Variants in MYT1L observed in about 807,000 individuals in gnomAD.
MYT1L encodes myelin transcription factor 1-like protein.
In MYT1L, 12 loss-of-function variants were observed where a neutral mutation model predicts 126.7. The ratio of observed to expected loss-of-function variants is 0.09; its 90% CI spans 0.06 to 0.15. The LOEUF (loss-of-function observed/expected upper bound fraction) is 0.15. MYT1L is among the 10% of genes least tolerant of loss of function. The pLI, the probability that MYT1L is intolerant of heterozygous loss-of-function variation, is 1.00. For missense variants in MYT1L, 979 were observed against 1,585.2 expected, an observed-to-expected ratio of 0.62 and a Z score of 6.49; for synonymous variants, 541 against 604.2, an observed-to-expected ratio of 0.90 and a Z score of 1.53.
At chr2:2,327,505 CTT>C (rs1162380215) in intron 1 of MYT1L, among the ~76,000 whole-genome samples, 2 of 137,472 alleles carry the variant, frequency 1.5e-5, no homozygotes, top group Non-Finnish European at 3.2e-5. Flanking sequence ...CTCTTAAAAA[CTT>C]GAAATAGGAA....
At chr2:2,162,429 G>C (rs765971939) in intron 3 of MYT1L, among the ~76,000 whole-genome samples, 12 of 152,142 alleles carry the variant, frequency 7.9e-5, no homozygotes. Flanking sequence ...GGTGGTGCTC[G>C]TGGTCCACAG....
intron 2 of MYT1L, among the ~76,000 whole-genome samples, chr2:2,180,208 C>G (rs555029544): frequency 7.9e-5 from 12 of 152,244 alleles, no homozygotes; most frequent in Admixed American, 2.6e-4. Flanking sequence ...GAGTTCACTT[C>G]ACCCTCCTTC....
intron 18 of MYT1L, among the ~76,000 whole-genome samples, chr2:1,855,023 G>A (rs1268469954): frequency 6.6e-6 from 1 of 152,146 alleles, no homozygotes; most frequent in African/African-American, 2.4e-5. Context: ...ACCACATAAG[G>A]CAGCCCAGAA....
intron 21 of MYT1L, chr2:1,827,855 T>TC (rs1337363091): frequency 6.7e-6 from 1 of 148,966 alleles, no homozygotes; most frequent in Non-Finnish European, 1.5e-5. Context: ...CTGGGGAGGG[T>TC]CCCCTCACTG....
chr2:1,922,766 A>C lies in MYT1L; in HGVS notation c.1003T>G (p.Phe335Val). The change falls in exon 10 of 25, where the codon TTC becomes GTC. Residue 335 changes from phenylalanine (F) to valine (V), a missense_variant. Physicochemically the swap from Phe to Val is conservative, Grantham distance 50 (BLOSUM62 -1). Around this residue, in one of 12 missense-constraint regions of MYT1L, gnomAD observed 243 missense variants for 363.9 expected, o/e 0.67. Transcript: ENST00000647738. This position sits in a 1 kb window ranked among gnomAD's most constrained non-coding sequence, Gnocchi z 7.4. ...TCACTGAGCTTCCTGGCCAGGTCGA[A>C]GCACTGATTCCTCAAACACTCCAGA... ...SSLECLRNQC[F>V]DLARKLSETN... The C allele has an allele frequency of 6.2e-7, 1 of 1,613,968 alleles. No individual in the cohort carries two copies. Among genetic ancestry groups the C allele is most frequent in the Non-Finnish European group, 8.5e-7 (1 of 1,179,898 alleles).
chr2:1,980,606 C>T (rs1179649852), intron 5 of MYT1L, among the ~76,000 whole-genome samples: 1 of 152,042 alleles, frequency 6.6e-6, no homozygotes, highest in Admixed American at 6.6e-5. Flanking sequence ...GTGGGATCTT[C>T]ACAACAATTT....
intron 3 of MYT1L, among the ~76,000 whole-genome samples, chr2:2,057,967 A>G (rs1039657917): frequency 6.6e-6 from 1 of 152,170 alleles, no homozygotes; most frequent in Non-Finnish European, 1.5e-5. Flanking sequence ...TGAGAGTGGG[A>G]TAGCTGGGTC....
chr2:1,996,500 G>A (rs1406784570), intron 5 of MYT1L, among the ~76,000 whole-genome samples: 2 of 140,550 alleles, frequency 1.4e-5, no homozygotes, highest in Non-Finnish European at 3.0e-5. Flanking sequence ...GAGTGTAGAC[G>A]GGCCGCCTTT....
At chr2:2,244,710 C>T (rs2094500272) in intron 2 of MYT1L, among the ~76,000 whole-genome samples, 1 of 152,176 alleles carries the variant, frequency 6.6e-6, no homozygotes, top group African/African-American at 2.4e-5. Flanking sequence ...GTGGCAGAAA[C>T]ACAGACTGAC....
At chr2:2,169,628 T>C (rs187882162) in intron 3 of MYT1L, among the ~76,000 whole-genome samples, 1 of 152,270 alleles carries the variant, frequency 6.6e-6, no homozygotes, top group Non-Finnish European at 1.5e-5. Flanking sequence ...ATGTTTGCTA[T>C]GGTTTTTTTT....
chr2:2,005,071 C>A (rs560992150), intron 4 of MYT1L, among the ~76,000 whole-genome samples: 1 of 145,882 alleles, frequency 6.9e-6, no homozygotes, highest in Non-Finnish European at 1.5e-5. Context: ...TTCCTGCATG[C>A]GTTCTTTCCT....
chr2:2,210,754 T>G (rs1024662969), intron 2 of MYT1L, among the ~76,000 whole-genome samples: 2 of 152,196 alleles, frequency 1.3e-5, no homozygotes, highest in African/African-American at 4.8e-5. Context: ...TTTTTTCTAT[T>G]TATGTGAAAA....
intron 9 of MYT1L, among the ~76,000 whole-genome samples, chr2:1,935,913 C>T (rs2055814630): frequency 6.6e-6 from 1 of 152,182 alleles, no homozygotes. Flanking sequence ...TATGCATCCA[C>T]CTGCATCTTT....
chr2:1,792,235 T>G (rs2032237544), intron 24 of MYT1L, 86 bp downstream of exon 24: 1 of 1,450,520 alleles, frequency 6.9e-7, no homozygotes, highest in African/African-American at 1.4e-5. Flanking sequence ...TGAAGAACCA[T>G]GAAAATAACG....
At position 2,191,390 on chromosome 2, in the gene MYT1L, C is replaced by T. The variant is rs376785808; in HGVS notation, c.-420-18402G>A. On this transcript the variant is annotated intron_variant, in intron 2 of 24. Coordinates refer to ENST00000647738, the MANE Select transcript of MYT1L (RefSeq NM_001303052.2). ...TAGAGACTCAGGGAAAATGTCAGAA[C>T]CATATCCATTATGAAGAACATGTGA... Among the ~76,000 whole-genome samples the T allele has an allele frequency of 9.2e-5, 14 of 152,296 alleles. No homozygotes were observed. In the East Asian group the frequency reaches 1.4e-3, roughly 15 times the overall value.
chr2:1,803,831 C>T (rs903208565), intron 22 of MYT1L, among the ~76,000 whole-genome samples: 18 of 152,180 alleles, frequency 1.2e-4, no homozygotes, highest in Non-Finnish European at 2.4e-4. Context: ...AGAGCATTCC[C>T]GGCCCATGAG....
intron 23 of MYT1L, among the ~76,000 whole-genome samples, chr2:1,797,359 G>A (rs967408183): frequency 6.6e-6 from 1 of 152,234 alleles, no homozygotes; most frequent in Non-Finnish European, 1.5e-5. Context: ...GAGTACCTGG[G>A]ACTACAGGCG....
In MYT1L at chr2:1,891,970, G is replaced by A. The variant is rs540822075; in HGVS notation, c.2283+67C>T. ...CTGCCCCGAAAGCGCCGCGTGTCTC[G>A]GTGGCTGGGTCCGCGGCCCGGCCTC... On this transcript the variant is annotated intron_variant, in intron 15 of 24. Coordinates refer to ENST00000647738, the MANE Select transcript of MYT1L (RefSeq NM_001303052.2). The A allele has an allele frequency of 1.1e-3, 1,624 of 1,446,098 alleles. 41 individuals carry two copies. The highest frequency in any genetic ancestry group is 5.8e-4 in the East Asian group (23 of 39,704). 89.6% of individuals were successfully genotyped at this position (1,446,098 alleles called of 1,614,324 possible).
chr2:1,984,150 T>C (rs1221929533), intron 5 of MYT1L, among the ~76,000 whole-genome samples: 1 of 152,198 alleles, frequency 6.6e-6, no homozygotes, highest in African/African-American at 2.4e-5. Flanking sequence ...ATGATCTTCC[T>C]TCTCTTTTCC....
Sources: gnomAD v4.1 joint callset for allele counts (sites outside exome capture counted in the v4.1 genomes callset) on GRCh38, gnomAD v4.1.1 for gene constraint, gnomAD v4.1.1 regional missense constraint, Gnocchi (gnomAD v3.1) non-coding constraint, MANE v1.5 for transcripts, NCBI Gene and HGNC (gene_info 2026-07-23, HGNC 2026-07-21) for gene names.